PRKN: variants seen among roughly 807,000 people sequenced by gnomAD.
PRKN encodes the protein E3 ubiquitin-protein ligase parkin.
PRKN carries 56 observed loss-of-function variants against 59.5 expected under a neutral mutation model. The ratio of observed to expected loss-of-function variants is 0.94; its 90% CI spans 0.76 to 1.18. The LOEUF is 1.18. Among genes scored for constraint, PRKN ranks in the 50% most tolerant of loss-of-function variants. The pLI, the probability that PRKN is intolerant of heterozygous loss-of-function variation, is 0.00. For synonymous variants in PRKN, 250 were observed against 222.1 expected (o/e 1.13, Z -1.12); for missense variants, 657 against 596.4 (o/e 1.10, Z -1.06).
rs781363909 is a variant in PRKN at position 162,401,296 on chromosome 6, T to TG, written c.171+42013dup. ...ATAAACTAAAAAGCTAGTTCTTCAC[T>TG]GGGAAAAAAAAAAACCTATGCAGAT... On this transcript the variant is annotated intron_variant, in intron 2 of 11. Coordinates refer to ENST00000366898, the MANE Select transcript of PRKN (RefSeq NM_004562.3). Among the ~76,000 whole-genome samples the TG allele has an allele frequency of 2.6e-4, 40 of 150,972 alleles. 1 individual carries two copies. The highest frequency in any genetic ancestry group is 7.4e-5 in the Non-Finnish European group (5 of 67,716).
intron 7 of PRKN, among the ~76,000 whole-genome samples, chr6:161,661,274 C>T (rs927900888): frequency 6.6e-6 from 1 of 152,304 alleles, no homozygotes; most frequent in African/African-American, 2.4e-5. Context: ...GGCCCTGCTA[C>T]TTCTCTGCAC....
chr6:162,611,266 A>G (rs1782133889), intron 1 of PRKN, among the ~76,000 whole-genome samples: 1 of 152,202 alleles, frequency 6.6e-6, no homozygotes, highest in African/African-American at 2.4e-5. Flanking sequence ...ATGAATGGAT[A>G]AATTAAAGTA....
chr6:162,589,649 C>G (rs1583863813), intron 1 of PRKN, among the ~76,000 whole-genome samples: 1 of 152,162 alleles, frequency 6.6e-6, no homozygotes, highest in South Asian at 2.1e-4. Flanking sequence ...GAATGTGGCT[C>G]TAAGCCTTCC....
chr6:162,218,084 GCAACAGCCAGCCACAGCCCT>G (rs898654400), intron 3 of PRKN, among the ~76,000 whole-genome samples: 22 of 152,318 alleles, frequency 1.4e-4, no homozygotes, highest in Admixed American at 1.4e-3. Context: ...AGCTGCTGTG[GCAACAGCCAGCCACAGCCCT>G]CCAGAGGAAG....
intron 4 of PRKN, among the ~76,000 whole-genome samples, chr6:162,178,694 T>A (rs1372734577): frequency 6.6e-6 from 1 of 152,238 alleles, no homozygotes; most frequent in Non-Finnish European, 1.5e-5. Context: ...GTCAGCTTTA[T>A]GACACAAAGA....
chr6:162,632,535 T>C (rs1562453699), intron 1 of PRKN, among the ~76,000 whole-genome samples: 1 of 152,128 alleles, frequency 6.6e-6, no homozygotes, highest in Non-Finnish European at 1.5e-5. Context: ...AAAAACTACC[T>C]ATCGGCTACT....
chr6:162,692,508 G>A (rs1379732083), intron 1 of PRKN, among the ~76,000 whole-genome samples: 1 of 152,128 alleles, frequency 6.6e-6, no homozygotes, highest in African/African-American at 2.4e-5. Flanking sequence ...TTTGACTACA[G>A]GAGGGGCTGC....
At chr6:162,031,674 G>A (rs1211232020) in intron 5 of PRKN, among the ~76,000 whole-genome samples, 2 of 151,784 alleles carry the variant, frequency 1.3e-5, no homozygotes, top group Non-Finnish European at 2.9e-5. Flanking sequence ...GGGATTCCAG[G>A]CACGTGCCAC....
At chr6:162,090,423 A>G (rs773965347) in intron 4 of PRKN, among the ~76,000 whole-genome samples, 1 of 152,218 alleles carries the variant, frequency 6.6e-6, no homozygotes, top group African/African-American at 2.4e-5. Flanking sequence ...AGTAGTGACC[A>G]GAATAAAAAA....
At chr6:162,526,084 C>T (rs1422921366) in intron 1 of PRKN, among the ~76,000 whole-genome samples, 1 of 152,074 alleles carries the variant, frequency 6.6e-6, no homozygotes, top group Non-Finnish European at 1.5e-5. Flanking sequence ...CTCAAGCGAT[C>T]CGCCTGCCTT....
intron 6 of PRKN, among the ~76,000 whole-genome samples, chr6:161,916,598 A>C (rs1382079183): frequency 6.6e-6 from 1 of 152,108 alleles, no homozygotes; most frequent in East Asian, 1.9e-4. Context: ...TTTCCTCTTT[A>C]AGCTAAAATT....
intron 7 of PRKN, among the ~76,000 whole-genome samples, chr6:161,708,103 A>C (rs1017889556): frequency 2.0e-5 from 3 of 152,214 alleles, no homozygotes; most frequent in Non-Finnish European, 4.4e-5. Flanking sequence ...AACTATGAAT[A>C]TGATTCTTCT....
At chr6:162,004,019 T>C (rs1351600134) in intron 5 of PRKN, among the ~76,000 whole-genome samples, 1 of 152,148 alleles carries the variant, frequency 6.6e-6, no homozygotes, top group Non-Finnish European at 1.5e-5. Context: ...GTCACACAGA[T>C]AAATTAGGAG....
intron 9 of PRKN, among the ~76,000 whole-genome samples, chr6:161,406,200 A>G (rs1040112458): frequency 6.8e-6 from 1 of 146,142 alleles, no homozygotes; most frequent in Admixed American, 6.9e-5. Context: ...ACACATATAT[A>G]CATATACACA....
At chr6:161,573,715 G>A (rs1314513505) in intron 7 of PRKN, among the ~76,000 whole-genome samples, 43 of 57,388 alleles carry the variant, frequency 7.5e-4, no homozygotes, top group African/African-American at 2.8e-3. Flanking sequence ...GCGAGACTCC[G>A]TCTCAAAAAA....
At chr6:162,653,815 A>T (rs1304116600) in intron 1 of PRKN, among the ~76,000 whole-genome samples, 1 of 152,230 alleles carries the variant, frequency 6.6e-6, no homozygotes, top group Non-Finnish European at 1.5e-5. Context: ...TATTCTTCAT[A>T]GTAGTTAAAA....
At chr6:162,416,263 T>A (rs1387443749) in intron 2 of PRKN, among the ~76,000 whole-genome samples, 1 of 152,200 alleles carries the variant, frequency 6.6e-6, no homozygotes, top group Non-Finnish European at 1.5e-5. Context: ...GCTTTCCATA[T>A]TTTCCCACCA....
At chr6:162,108,426 C>G (rs1300861150) in intron 4 of PRKN, among the ~76,000 whole-genome samples, 1 of 152,136 alleles carries the variant, frequency 6.6e-6, no homozygotes, top group Non-Finnish European at 1.5e-5. Flanking sequence ...TTCATCTGAA[C>G]TAATTTTCAG....
chr6:161,875,172 A>C (rs1284444554), intron 6 of PRKN, among the ~76,000 whole-genome samples: 1 of 137,914 alleles, frequency 7.3e-6, no homozygotes, highest in Non-Finnish European at 1.5e-5. Flanking sequence ...TATATAATAT[A>C]AAATATATGT....
Sources: gnomAD v4.1 joint callset for allele counts (sites outside exome capture counted in the v4.1 genomes callset) on GRCh38, gnomAD v4.1.1 for gene constraint, MANE v1.5 for transcripts, NCBI Gene and HGNC (gene_info 2026-07-23, HGNC 2026-07-21) for gene names.